The following PRICKLE2 variants were observed in gnomAD, a reference collection of about 807,000 sequenced individuals.
PRICKLE2 encodes the protein prickle-like protein 2.
A neutral mutation model predicts 81.4 loss-of-function variants in PRICKLE2; 21 were observed. The observed-to-expected ratio is 0.26, with a 90% confidence interval of 0.18 to 0.37. The LOEUF (loss-of-function observed/expected upper bound fraction) is 0.37, where lower values mean the gene tolerates loss of function less well. PRICKLE2 is among the 10% of genes least tolerant of loss of function. The probability of loss-of-function intolerance (pLI) is 1.00; values close to 1 mark genes in which losing one functional copy is unlikely to be tolerated. For synonymous variants in PRICKLE2, 456 were observed against 421.5 expected, an observed-to-expected ratio of 1.08 and a Z score of -1.00; for missense variants, 940 against 1,109.0, an observed-to-expected ratio of 0.85 and a Z score of 2.16.
At chr3:64,214,045 A>G (rs182503808) in intron 1 of PRICKLE2, among the ~76,000 whole-genome samples, 5 of 152,334 alleles carry the variant, frequency 3.3e-5, no homozygotes, top group Admixed American at 3.3e-4. Context: ...AGTTTATATT[A>G]GGCCGCCTTT....
At chr3:64,178,981 T>TTCTTTC (rs1004534400) in intron 2 of PRICKLE2, among the ~76,000 whole-genome samples, 12 of 131,610 alleles carry the variant, frequency 9.1e-5, no homozygotes, top group African/African-American at 3.6e-4. Context: ...CTTTCTTTCT[T>TTCTTTC]TCTTTCTTTC....
intron 2 of PRICKLE2, among the ~76,000 whole-genome samples, chr3:64,230,618 C>T (rs1350542895): frequency 2.0e-5 from 3 of 152,174 alleles, no homozygotes; most frequent in African/African-American, 7.2e-5. Context: ...TAATCTGCCT[C>T]CTGCAACGGG....
At chr3:64,222,370 A>G (rs906554998) in intron 1 of PRICKLE2, among the ~76,000 whole-genome samples, 1 of 152,194 alleles carries the variant, frequency 6.6e-6, no homozygotes, top group South Asian at 2.1e-4. Flanking sequence ...AAAGAATTTT[A>G]TGGCAGACTC....
At chr3:64,131,120 G>A (rs1158707656) in intron 7 of PRICKLE2, among the ~76,000 whole-genome samples, 1 of 152,218 alleles carries the variant, frequency 6.6e-6, no homozygotes, top group African/African-American at 2.4e-5. Context: ...TTGTAAGGCT[G>A]AGCCTTGGTC....
At chr3:64,133,366 A>G (rs2077226369) in intron 7 of PRICKLE2, among the ~76,000 whole-genome samples, 1 of 152,076 alleles carries the variant, frequency 6.6e-6, no homozygotes, top group South Asian at 2.1e-4. Flanking sequence ...CTGGAAGAGG[A>G]GCCAGAGCTG....
intron 2 of PRICKLE2, 179 bp downstream of exon 2, chr3:64,198,605 C>T: frequency 1.5e-6 from 1 of 687,592 alleles, no homozygotes; most frequent in Non-Finnish European, 2.6e-6. Flanking sequence ...TCACTCCTGG[C>T]TCAATTTCAT....
At chr3:64,198,259 A>T (rs1003194240) in intron 2 of PRICKLE2, among the ~76,000 whole-genome samples, 2 of 139,378 alleles carry the variant, frequency 1.4e-5, no homozygotes, top group African/African-American at 2.9e-5. Context: ...AATAAATAAA[A>T]CAAAAAAAAT....
At chr3:64,139,857 C>T (rs2077333573) in intron 7 of PRICKLE2, among the ~76,000 whole-genome samples, 1 of 152,156 alleles carries the variant, frequency 6.6e-6, no homozygotes, top group Admixed American at 6.5e-5. Flanking sequence ...TTCCCCTATC[C>T]CTGAAGCATC....
chr3:64,161,319 C>T (rs777211591), intron 3 of PRICKLE2, among the ~76,000 whole-genome samples: 1 of 152,196 alleles, frequency 6.6e-6, no homozygotes, highest in African/African-American at 2.4e-5. Context: ...CTAATCCCGT[C>T]TCCTGTTATA....
intron 2 of PRICKLE2, among the ~76,000 whole-genome samples, chr3:64,236,755 A>C (rs2107166518): frequency 6.6e-6 from 1 of 152,316 alleles, no homozygotes; most frequent in Admixed American, 6.5e-5. Context: ...GTGATGTTGG[A>C]CAAAGTTATT....
At chr3:64,162,872 T>C (rs927600154) in intron 3 of PRICKLE2, 144 bp downstream of exon 3, 2 of 763,514 alleles carry the variant, frequency 2.6e-6, no homozygotes, top group South Asian at 1.4e-5. Context: ...CCAGTTTATT[T>C]TGGCCCTAAT....
intron 7 of PRICKLE2, among the ~76,000 whole-genome samples, chr3:64,141,397 G>A (rs575775185): frequency 2.6e-5 from 4 of 152,348 alleles, no homozygotes; most frequent in South Asian, 2.1e-4. Flanking sequence ...TGAGGACTGA[G>A]TGAGTTTAGT....
chr3:64,260,645 G>A (rs704408), intron 2 of PRICKLE2, among the ~76,000 whole-genome samples: 22,649 of 152,186 alleles, frequency 0.15, 2,464 homozygotes, highest in African/African-American at 0.31. Flanking sequence ...TCCGGGGAAG[G>A]ACATCCTCTT....
chr3:64,174,780 G>T, intron 2 of PRICKLE2: 1 of 216,580 alleles, frequency 4.6e-6, no homozygotes, highest in South Asian at 8.3e-5. Flanking sequence ...CAGTCTTAGT[G>T]GATTCCCACT....
rs1055170156 is a variant in PRICKLE2, at chr3:64,097,064, T to G, written c.*1987A>C. 6.6e-6 allele frequency: 1 copy of G among 152,598 alleles called. No homozygotes were observed. 9.5% of individuals were successfully genotyped at this position (152,598 alleles called of 1,614,324 possible). On this transcript the variant is annotated 3_prime_UTR_variant, in exon 8 of 8. Coordinates refer to ENST00000638394, the MANE Select transcript of PRICKLE2 (RefSeq NM_198859.4). Reference sequence around the variant, plus strand: ...TTACAAACTTACTATACAAACGTAATAGAGTTAATTCTCCGGAGGCTCGGA... The same window carrying G: ...TTACAAACTTACTATACAAACGTAAGAGAGTTAATTCTCCGGAGGCTCGGA...
chr3:64,217,951 C>G (rs2078898250), intron 1 of PRICKLE2, among the ~76,000 whole-genome samples: 1 of 152,166 alleles, frequency 6.6e-6, no homozygotes, highest in Non-Finnish European at 1.5e-5. Context: ...AAAATAGGAT[C>G]ACTGGGATTC....
At chr3:64,202,772 C>T (rs2078610813) in intron 1 of PRICKLE2, among the ~76,000 whole-genome samples, 1 of 151,740 alleles carries the variant, frequency 6.6e-6, no homozygotes, top group Non-Finnish European at 1.5e-5. Context: ...TTTATCATAT[C>T]TTATTGCCCT....
chr3:64,198,409 C>A (rs548390577), intron 2 of PRICKLE2, among the ~76,000 whole-genome samples: 1 of 152,128 alleles, frequency 6.6e-6, no homozygotes, highest in East Asian at 1.9e-4. Context: ...CAGGAAACAT[C>A]ATGAAAATAC....
At chr3:64,219,819 C>T (rs557838912) in intron 1 of PRICKLE2, among the ~76,000 whole-genome samples, 4 of 152,250 alleles carry the variant, frequency 2.6e-5, no homozygotes, top group Middle Eastern at 3.4e-3. Context: ...ATCCTGGGTT[C>T]GAATCCCAGC....
Sources: allele counts gnomAD v4.1 joint callset (sites outside exome capture counted in the v4.1 genomes callset), GRCh38; gene constraint gnomAD v4.1.1; transcripts MANE v1.5; gene names NCBI Gene and HGNC (gene_info 2026-07-23, HGNC 2026-07-21).